COL4A1: variants seen among roughly 807,000 people sequenced by gnomAD.
COL4A1 encodes collagen type IV alpha 1 chain.
Under a neutral mutation model 216.6 loss-of-function variants are expected in COL4A1, and 40 were observed. That is an observed-to-expected ratio of 0.18 (90% CI 0.14 to 0.24). The LOEUF (loss-of-function observed/expected upper bound fraction) is 0.24. COL4A1 is among the 10% of genes least tolerant of loss of function. The pLI, the probability that COL4A1 is intolerant of heterozygous loss-of-function variation, is 1.00. For missense variants in COL4A1, 1,628 were observed against 2,196.8 expected, an observed-to-expected ratio of 0.74 and a Z score of 5.18; for synonymous variants, 839 against 810.7, an observed-to-expected ratio of 1.03 and a Z score of -0.59.
rs1465779432 is a variant in COL4A1, at chr13:110,184,705, T to G, written c.1898-1429A>C. On this transcript the variant is annotated intron_variant, in intron 26 of 51. Transcript: ENST00000375820. ...CTGTGTGTGTGTGTGTGTGTGTGTTTTGTTTGTTTGTTTGTTTGTTTTTGA... is the reference window on the plus strand; with the variant it reads ...CTGTGTGTGTGTGTGTGTGTGTGTTGTGTTTGTTTGTTTGTTTGTTTTTGA... Among the ~76,000 whole-genome samples, 974 of 149,298 alleles carry G rather than the reference T, an allele frequency of 6.5e-3. 7 individuals are homozygous for G. The highest frequency in any genetic ancestry group is 0.022 in the African/African-American group (904 of 40,672).
Position 110,164,928 on chromosome 13 carries a change from G to A in COL4A1, c.4084C>T (p.Pro1362Ser), listed in dbSNP as rs1404286342. 7.5e-6 allele frequency: 12 copies of A among 1,605,632 alleles called. No individual in the cohort carries two copies. The highest frequency in any genetic ancestry group is 1.0e-5 in the Non-Finnish European group (12 of 1,176,226). The change falls in exon 46 of 52, where the codon CCT becomes TCT. Residue 1362 changes from proline (P) to serine (S), a missense_variant. Physicochemically the swap from Pro to Ser is moderately conservative, Grantham distance 74. This residue lies in a region of COL4A1 where 345 missense variants were observed against 476.9 expected (regional missense o/e 0.72). Transcript: ENST00000375820. Reference protein sequence around the residue: ...YDIIKGEPGLPGPEGPPGLKG... With the variant: ...YDIIKGEPGLSGPEGPPGLKG... ...AGCCCTGGGGGGCCCTCAGGACCAG[G>A]GAGCCCGGGCTCCCCTTTGATGATG...
At chr13:110,272,526 C>G (rs373067574) in intron 1 of COL4A1, among the ~76,000 whole-genome samples, 86 of 152,230 alleles carry the variant, frequency 5.6e-4, no homozygotes, top group African/African-American at 2.0e-3. Context: ...CCATGCTTGT[C>G]TCTCTGAATT....
At chr13:110,198,180 A>G (rs1437914511) in intron 21 of COL4A1, among the ~76,000 whole-genome samples, 1 of 152,068 alleles carries the variant, frequency 6.6e-6, no homozygotes, top group Non-Finnish European at 1.5e-5. Context: ...TAAAAATTAC[A>G]TAACTCAACA....
intron 29 of COL4A1, 135 bp downstream of exon 29, chr13:110,181,152 TTTCTA>T (rs1878133073): frequency 2.7e-6 from 2 of 727,984 alleles, no homozygotes; most frequent in Admixed American, 4.4e-5. Context: ...TCTCTGATAC[TTTCTA>T]TTCTATGTTA....
chr13:110,302,203 C>G (rs922368595), intron 1 of COL4A1, among the ~76,000 whole-genome samples: 1 of 152,328 alleles, frequency 6.6e-6, no homozygotes, highest in East Asian at 1.9e-4. Flanking sequence ...GCCTCATAGT[C>G]TCTGGGCTCT....
chr13:110,291,017 C>T (rs1442339077), intron 1 of COL4A1, among the ~76,000 whole-genome samples: 3 of 152,162 alleles, frequency 2.0e-5, no homozygotes, highest in Non-Finnish European at 4.4e-5. Flanking sequence ...GCTCACAGGG[C>T]GGGTGGGGGG....
At chr13:110,287,272 A>G (rs1478615794) in intron 1 of COL4A1, among the ~76,000 whole-genome samples, 4 of 152,152 alleles carry the variant, frequency 2.6e-5, no homozygotes, top group East Asian at 3.9e-4. Context: ...GCCGCATGAC[A>G]TCTCAGGGGC....
rs1877105853 is a variant in COL4A1, at chr13:110,161,959, T to G, written c.4462+271A>C. The G allele has an allele frequency of 7.8e-6, 4 of 514,300 alleles. No individual in the cohort carries two copies. In the South Asian group the frequency reaches 8.9e-5, roughly 11 times the overall value. The allele number at this position is 514,300 out of a possible 1,614,324, so 31.9% of individuals were successfully genotyped here. A position where few individuals can be genotyped will look rare whatever the true frequency, so the allele number is the denominator to read the frequency against. On this transcript the variant is annotated intron_variant, in intron 48 of 51. Transcript: ENST00000375820. The stretch of plus-strand genomic sequence containing the variant: ...CCTACTTGATAATTTGAAGATGAGA[T>G]CTAAAGTTTTATTAATTTAAAGATT...
At chr13:110,300,104 C>A (rs181435763) in intron 1 of COL4A1, among the ~76,000 whole-genome samples, 1 of 152,170 alleles carries the variant, frequency 6.6e-6, no homozygotes, top group Non-Finnish European at 1.5e-5. Context: ...CCAAATCTTC[C>A]ACCAATTAGA....
At chr13:110,237,076 C>T (rs1881349279) in intron 2 of COL4A1, among the ~76,000 whole-genome samples, 1 of 152,178 alleles carries the variant, frequency 6.6e-6, no homozygotes, top group Non-Finnish European at 1.5e-5. Context: ...CTTTGTGGTC[C>T]TCCAGCAGTC....
rs568917941 is a variant in COL4A1 at position 110,259,667 on chromosome 13, AGT to A, written c.85-16935_85-16934del. On this transcript the variant is annotated intron_variant, in intron 1 of 51. Transcript: ENST00000375820. ...GTTCATAAAAACAAGTGAAACTAAA[AGT>A]GTATTTTTAAGAACGTGTTTGCAAC... Among the ~76,000 whole-genome samples the A allele has an allele frequency of 3.0e-4, 46 of 152,382 alleles. No homozygotes were observed. The South Asian group carries it at 3.1e-3, about 10-fold the overall frequency.
Position 110,161,248 on chromosome 13 carries a change from G to T in COL4A1, c.4584C>A (p.Pro1528=). 1 of 1,614,222 alleles carries T rather than the reference G, an allele frequency of 6.2e-7. No homozygotes were observed. The highest frequency in any genetic ancestry group is 8.5e-7 in the Non-Finnish European group (1 of 1,180,040). Residue 1528 remains proline, a synonymous_variant, in exon 49 of 52, where the codon CCC becomes CCA. Coordinates refer to ENST00000375820, the MANE Select transcript of COL4A1 (RefSeq NM_001845.6). Reference sequence around the variant, plus strand: ...TGATGGGTGCCATTGACATGGGCATGGGCTCAGGGGTGGACAGCCAGTACG... The same window carrying T: ...TGATGGGTGCCATTGACATGGGCATTGGCTCAGGGGTGGACAGCCAGTACG... ...DYSYWLSTPE[P]MPMSMAPITG... is the part of the protein sequence containing the mutation.
intron 43 of COL4A1, among the ~76,000 whole-genome samples, chr13:110,167,835 G>A (rs1877415112): frequency 6.6e-6 from 1 of 151,724 alleles, no homozygotes; most frequent in African/African-American, 2.4e-5. Flanking sequence ...ACAGCAACAT[G>A]TAACAAGTTG....
At chr13:110,220,888 C>A (rs72654147) in intron 2 of COL4A1, among the ~76,000 whole-genome samples, 1 of 152,174 alleles carries the variant, frequency 6.6e-6, no homozygotes, top group East Asian at 1.9e-4. Context: ...TGGACTACAA[C>A]TTTTATACTG....
Position 110,275,607 on chromosome 13 carries a change from C to G in COL4A1, c.84+31337G>C, listed in dbSNP as rs540803419. ...ACGAAACCCTGCACATGGATGTTTA[C>G]AGCAGCTTTATTCATAACTGCCAAC... On this transcript the variant is annotated intron_variant, in intron 1 of 51. Transcript: ENST00000375820. Among the ~76,000 whole-genome samples, 19 of 152,338 alleles carry G rather than the reference C, an allele frequency of 1.2e-4. No homozygotes were observed. In the South Asian group the frequency reaches 3.5e-3, roughly 28 times the overall value.
chr13:110,263,026 T>C (rs576645999), intron 1 of COL4A1, among the ~76,000 whole-genome samples: 11 of 152,118 alleles, frequency 7.2e-5, no homozygotes, highest in Non-Finnish European at 1.6e-4. Flanking sequence ...TGAACCAAAT[T>C]TCTCCAGAGC....
chr13:110,166,688 T>C (rs1218241682), intron 44 of COL4A1, among the ~76,000 whole-genome samples: 5 of 152,312 alleles, frequency 3.3e-5, no homozygotes, highest in Non-Finnish European at 5.9e-5. Context: ...AACTGTAAAA[T>C]GATCCAACTA....
Position 110,205,587 on chromosome 13 carries a change from G to A in COL4A1, c.859-49C>T, listed in dbSNP as rs186146235. On this transcript the variant is annotated intron_variant, in intron 15 of 51. Transcript: ENST00000375820. ...TAGTATTTAATAAATAATAGACTGC[G>A]CGCGGTGGCTCATGCCTGTAATCCC... 6.3e-4 allele frequency: 1,014 copies of A among 1,599,236 alleles called. 8 individuals carry two copies. In the African/African-American group the frequency reaches 9.6e-3, roughly 15 times the overall value.
intron 2 of COL4A1, among the ~76,000 whole-genome samples, chr13:110,220,145 C>T (rs925697742): frequency 6.6e-6 from 1 of 151,964 alleles, no homozygotes; most frequent in Admixed American, 6.6e-5. Flanking sequence ...GCCATGTTGG[C>T]CAGGCTGGTC....
Sources: allele counts gnomAD v4.1 joint callset (sites outside exome capture counted in the v4.1 genomes callset), GRCh38; gene constraint gnomAD v4.1.1; regional missense constraint gnomAD v4.1.1; transcripts MANE v1.5; gene names NCBI Gene and HGNC (gene_info 2026-07-23, HGNC 2026-07-21).